PARVB: variants seen among roughly 807,000 people sequenced by gnomAD.
The protein encoded by PARVB is beta-parvin.
PARVB carries 46 observed loss-of-function variants against 47.0 expected under a neutral mutation model. That is an observed-to-expected ratio of 0.98 (90% CI 0.77 to 1.25). The LOEUF is 1.25. Ranked by LOEUF, PARVB falls within the 50% of genes most tolerant of loss-of-function variation. The probability of loss-of-function intolerance (pLI) is 0.00; values close to 1 mark genes in which losing one functional copy is unlikely to be tolerated. For missense variants in PARVB, 473 were observed against 471.6 expected, an observed-to-expected ratio of 1.00 and a Z score of -0.03; for synonymous variants, 196 against 196.3, an observed-to-expected ratio of 1.00 and a Z score of 0.01.
At chr22:44,024,805 A>G (rs1161331674) in intron 1 of PARVB, among the ~76,000 whole-genome samples, 1 of 151,992 alleles carries the variant, frequency 6.6e-6, no homozygotes, top group East Asian at 1.9e-4. Context: ...CGTTCATTCC[A>G]TGAGCAGTGA....
chr22:44,154,947 G>A (rs1444107130), intron 10 of PARVB, among the ~76,000 whole-genome samples: 9 of 144,820 alleles, frequency 6.2e-5, no homozygotes, highest in Non-Finnish European at 1.2e-4. Context: ...TGATGTGTGT[G>A]TGTGTGTGTG....
At chr22:44,013,402 G>A (rs887221792) in intron 2 of PARVB, among the ~76,000 whole-genome samples, 2 of 152,196 alleles carry the variant, frequency 1.3e-5, no homozygotes, top group Admixed American at 6.5e-5. Flanking sequence ...TTTCACGTTT[G>A]TGTACACTGT....
At chr22:44,046,131 T>G (rs1446298201) in intron 1 of PARVB, among the ~76,000 whole-genome samples, 1 of 152,244 alleles carries the variant, frequency 6.6e-6, no homozygotes, top group Non-Finnish European at 1.5e-5. Context: ...CTCTTGCCTC[T>G]CCAGGCAGAT....
chr22:44,102,177 A>G (rs62227668), intron 3 of PARVB, among the ~76,000 whole-genome samples: 7,521 of 152,264 alleles, frequency 0.049, 268 homozygotes, highest in Non-Finnish European at 0.075. Flanking sequence ...AGGTGCTGGC[A>G]CTAGCAGTCC....
At chr22:44,016,993 A>G (rs1327309171) in intron 2 of PARVB, among the ~76,000 whole-genome samples, 2 of 152,136 alleles carry the variant, frequency 1.3e-5, no homozygotes, top group African/African-American at 4.8e-5. Flanking sequence ...CTTCTGCCTC[A>G]GCCTCCCGAG....
intron 3 of PARVB, among the ~76,000 whole-genome samples, chr22:44,100,382 G>T (rs946071318): frequency 2.0e-5 from 3 of 152,258 alleles, no homozygotes; most frequent in South Asian, 2.1e-4. Context: ...GACAGAGCTC[G>T]GCAGGAGGGG....
In PARVB at chr22:44,147,886, C is replaced by G; in HGVS notation, c.738C>G (p.Phe246Leu). The change falls in exon 9 of 13, where the codon TTC (phenylalanine) becomes TTG (leucine). Residue 246 changes from phenylalanine to leucine, a missense_variant. By Grantham distance (22) the Phe-to-Leu change is conservative (BLOSUM62 0). Coordinates refer to ENST00000338758, the MANE Select transcript of PARVB (RefSeq NM_013327.5). Reference sequence around the variant, plus strand: ...AGCGGGATGCCTTCGACACGCTGTTCGACCACGCCCCGGATAAGCTCAGCG... The same window carrying G: ...AGCGGGATGCCTTCGACACGCTGTTGGACCACGCCCCGGATAAGCTCAGCG... ...RFERDAFDTL[F>L]DHAPDKLSVV... is the part of the protein sequence containing the mutation. 6.2e-7 allele frequency: 1 copy of G among 1,614,036 alleles called. No individual in the cohort carries two copies. The highest frequency in any genetic ancestry group is 8.5e-7 in the Non-Finnish European group (1 of 1,179,968).
At chr22:44,038,969 G>A (rs1050012982) in intron 1 of PARVB, among the ~76,000 whole-genome samples, 1 of 152,082 alleles carries the variant, frequency 6.6e-6, no homozygotes, top group Non-Finnish European at 1.5e-5. Flanking sequence ...GAACAGACAC[G>A]TCACCAAAGA....
rs1444802406 is a variant in PARVB at position 44,155,414 on chromosome 22, C to T, written c.844-2568C>T. ...TTGTGAAAGTGGAGGGTCACCCGCTCGCAGCTGGGCCCCCCAGCCCTGCCC... is the reference window on the plus strand; with the variant it reads ...TTGTGAAAGTGGAGGGTCACCCGCTTGCAGCTGGGCCCCCCAGCCCTGCCC... On this transcript the variant is annotated intron_variant, in intron 10 of 12. Transcript: ENST00000338758. The surrounding 1 kb of genome is among the most constrained non-coding windows in gnomAD (Gnocchi z 4.8). 2.0e-5 allele frequency among the ~76,000 whole-genome samples: 3 copies of T among 152,176 alleles called. No homozygotes were observed. Among genetic ancestry groups the T allele is most frequent in the African/African-American group, 4.8e-5 (2 of 41,448 alleles).
intron 1 of PARVB, chr22:44,026,432 G>A: frequency 1.3e-6 from 1 of 757,694 alleles, no homozygotes; most frequent in Non-Finnish European, 1.6e-6. Flanking sequence ...CAAACAGAGG[G>A]CCACAAACCC....
At chr22:44,141,912 G>C (rs2053558611) in intron 8 of PARVB, 3 of 152,182 alleles carry the variant, frequency 2.0e-5, no homozygotes, top group African/African-American at 7.2e-5. Context: ...AGTTGCTGAG[G>C]GAGGCGAAAC....
chr22:44,167,214 T>C (rs1331403981), intron 12 of PARVB, among the ~76,000 whole-genome samples: 1 of 152,162 alleles, frequency 6.6e-6, no homozygotes, highest in African/African-American at 2.4e-5. Context: ...GGAGAAAGGC[T>C]TGTGGCTCGC....
intron 10 of PARVB, chr22:44,153,195 AC>A (rs2053847434): frequency 6.6e-6 from 1 of 152,138 alleles, no homozygotes; most frequent in Middle Eastern, 3.2e-3. Flanking sequence ...AGACGTTAGC[AC>A]CCCAGAAGCC....
chr22:44,147,222 G>A lies in PARVB; in HGVS notation c.713-639G>A, dbSNP rs1214310231. The A allele has an allele frequency of 4.8e-5, 9 of 188,570 alleles. No homozygotes were observed. The East Asian group carries it at 1.1e-3, about 23-fold the overall frequency. 11.7% of individuals were successfully genotyped at this position (188,570 alleles called of 1,614,324 possible). ...GGGAGAGAGGATGGATTTTATCTGA[G>A]TGTCCCATGGCTCGCAGGAGAGAAG... On this transcript the variant is annotated intron_variant, in intron 8 of 12. Coordinates refer to ENST00000338758, the MANE Select transcript of PARVB (RefSeq NM_013327.5).
At chr22:44,108,990 T>A (rs2052628336) in intron 3 of PARVB, 1 of 152,198 alleles carries the variant, frequency 6.6e-6, no homozygotes, top group Non-Finnish European at 1.5e-5. Flanking sequence ...TGACTGCATG[T>A]CATCTGGGGG....
rs572371379 is a variant in PARVB at position 44,158,682 on chromosome 22, G to A, written c.945+599G>A. Among the ~76,000 whole-genome samples, 564 of 152,292 alleles carry A rather than the reference G, an allele frequency of 3.7e-3. 2 individuals are homozygous for A. The highest frequency in any genetic ancestry group is 6.8e-3 in the Middle Eastern group (2 of 294). The stretch of plus-strand genomic sequence containing the variant: ...GGGCTGGCCCACGCCACCCGGTCCC[G>A]CTGTCACTGCCCTCGTGCGTGGGCC... On this transcript the variant is annotated intron_variant, in intron 11 of 12. Transcript: ENST00000338758.
chr22:44,133,510 C>G (rs1392492979), intron 6 of PARVB, among the ~76,000 whole-genome samples: 1 of 152,216 alleles, frequency 6.6e-6, no homozygotes, highest in African/African-American at 2.4e-5. Context: ...AGTTACCTTT[C>G]TCTTGCTATT....
intron 1 of PARVB, among the ~76,000 whole-genome samples, chr22:44,047,705 C>T (rs2051138387): frequency 6.6e-6 from 1 of 152,052 alleles, no homozygotes. Flanking sequence ...GATTCTCTCA[C>T]AGTTATGGAA....
intron 1 of PARVB, among the ~76,000 whole-genome samples, chr22:44,031,892 C>T (rs772378763): frequency 1.3e-5 from 2 of 152,064 alleles, no homozygotes; most frequent in African/African-American, 4.8e-5. Flanking sequence ...TTCTTCTTTT[C>T]GAACATGCGG....
Sources: allele counts gnomAD v4.1 joint callset (sites outside exome capture counted in the v4.1 genomes callset), GRCh38; gene constraint gnomAD v4.1.1; non-coding constraint Gnocchi (gnomAD v3.1); transcripts MANE v1.5; gene names NCBI Gene and HGNC (gene_info 2026-07-23, HGNC 2026-07-21).